Variants in SEMA3E observed in about 807,000 individuals in gnomAD.
SEMA3E encodes semaphorin-3E.
Under a neutral mutation model 93.6 loss-of-function variants are expected in SEMA3E, and 49 were observed. That is an observed-to-expected ratio of 0.52 (90% CI 0.42 to 0.66). The LOEUF is 0.66. Among genes scored for constraint, SEMA3E ranks in the 30% least tolerant of loss-of-function variants. SEMA3E has a pLI of 0.00. For synonymous variants in SEMA3E, 363 were observed against 330.7 expected (o/e 1.10, Z -1.06); for missense variants, 906 against 964.8 (o/e 0.94, Z 0.81).
chr7:83,391,342 C>G (rs1336454258), intron 14 of SEMA3E, among the ~76,000 whole-genome samples: 1 of 152,122 alleles, frequency 6.6e-6, no homozygotes, highest in Non-Finnish European at 1.5e-5. Flanking sequence ...ACTTTAGGTT[C>G]CAATTTCCTT....
At position 83,400,395 on chromosome 7, in the gene SEMA3E, CTTTT is replaced by C. The variant is rs1009067540; in HGVS notation, c.1144-149_1144-146del. The C allele has an allele frequency of 1.0e-5, 8 of 773,078 alleles. No individual in the cohort carries two copies. In the East Asian group the frequency reaches 2.2e-4, roughly 21 times the overall value. 47.9% of individuals were successfully genotyped at this position (773,078 alleles called of 1,614,324 possible). ...AAATATTTAGTAATCATATATTTTT[CTTTT>C]TTTTTAACTTTTATTTTAGGTTCAG... On this transcript the variant is annotated intron_variant, in intron 10 of 16. Coordinates refer to ENST00000643230, the MANE Select transcript of SEMA3E (RefSeq NM_012431.3).
chr7:83,545,791 A>G (rs970475993), intron 1 of SEMA3E, among the ~76,000 whole-genome samples: 4 of 143,714 alleles, frequency 2.8e-5, no homozygotes, highest in Non-Finnish European at 6.1e-5. Flanking sequence ...ATGTGTGTAT[A>G]TATATACAAA....
At chr7:83,541,383 T>C (rs1023060366) in intron 1 of SEMA3E, among the ~76,000 whole-genome samples, 1 of 152,054 alleles carries the variant, frequency 6.6e-6, no homozygotes. Flanking sequence ...GGTGAATCAA[T>C]AAACAAATAA....
rs775487844 is a variant in SEMA3E at position 83,367,690 on chromosome 7, G to T, written c.2224C>A (p.Leu742Ile). 2 of 1,613,994 alleles carry T rather than the reference G, an allele frequency of 1.2e-6. No homozygotes were observed. Among genetic ancestry groups the T allele is most frequent in the African/African-American group, 2.7e-5 (2 of 74,896 alleles). The part of the protein sequence containing the change: ...VWCTDRKRKK[L>I]KMSPSKWKYA... ...TTCCACTTGGAGGGTGACATTTTAA[G>T]CTTTTTCCTCTTTCTATCTGTGCAC... is the stretch of plus-strand genomic sequence containing the variant. Residue 742 changes from leucine (L) to isoleucine (I), a missense_variant, in exon 17 of 17, where the codon CTT (leucine) becomes ATT (isoleucine). By Grantham distance (5) the Leu-to-Ile change is conservative. Coordinates refer to ENST00000643230, the MANE Select transcript of SEMA3E (RefSeq NM_012431.3).
At chr7:83,629,238 C>T (rs1440730354) in intron 1 of SEMA3E, among the ~76,000 whole-genome samples, 1 of 152,204 alleles carries the variant, frequency 6.6e-6, no homozygotes, top group African/African-American at 2.4e-5. Context: ...TATGAGGTGT[C>T]TGTTGGCCCC....
chr7:83,560,175 G>A (rs113695684), intron 1 of SEMA3E, among the ~76,000 whole-genome samples: 4 of 152,126 alleles, frequency 2.6e-5, no homozygotes, highest in Admixed American at 6.6e-5. Flanking sequence ...CAAACTCACC[G>A]AATATACACC....
At chr7:83,610,392 G>T (rs746470470) in intron 1 of SEMA3E, among the ~76,000 whole-genome samples, 1 of 151,890 alleles carries the variant, frequency 6.6e-6, no homozygotes, top group Non-Finnish European at 1.5e-5. Context: ...TCAGAAAAAA[G>T]AATTATTTAA....
intron 2 of SEMA3E, among the ~76,000 whole-genome samples, chr7:83,481,690 T>C (rs1297237612): frequency 6.6e-6 from 1 of 152,118 alleles, no homozygotes; most frequent in African/African-American, 2.4e-5. Flanking sequence ...CAGAAGTTCA[T>C]TGGGAAAGAG....
At chr7:83,528,794 A>G (rs1050437967) in intron 1 of SEMA3E, among the ~76,000 whole-genome samples, 1 of 152,120 alleles carries the variant, frequency 6.6e-6, no homozygotes, top group Non-Finnish European at 1.5e-5. Flanking sequence ...TCAGAAAGAG[A>G]ATATTATCAG....
At chr7:83,630,665 G>A (rs1382709213) in intron 1 of SEMA3E, among the ~76,000 whole-genome samples, 2 of 152,138 alleles carry the variant, frequency 1.3e-5, no homozygotes, top group African/African-American at 4.8e-5. Context: ...AGGTGCATAT[G>A]ATCATTAGTG....
intron 1 of SEMA3E, among the ~76,000 whole-genome samples, chr7:83,608,465 A>T (rs1584361685): frequency 6.6e-6 from 1 of 152,168 alleles, no homozygotes; most frequent in East Asian, 1.9e-4. Flanking sequence ...ATGATTTTTT[A>T]AAGTTTTTGT....
At chr7:83,643,155 C>T (rs925889442) in intron 1 of SEMA3E, among the ~76,000 whole-genome samples, 9 of 152,116 alleles carry the variant, frequency 5.9e-5, no homozygotes, top group Admixed American at 5.2e-4. Context: ...AGAACTGAGG[C>T]CACCAAGTGA....
intron 1 of SEMA3E, among the ~76,000 whole-genome samples, chr7:83,575,438 C>T (rs1219736863): frequency 3.3e-5 from 5 of 152,024 alleles, no homozygotes; most frequent in Middle Eastern, 3.4e-3. Context: ...GTTTTACTTA[C>T]ATGTTATTGG....
intron 1 of SEMA3E, among the ~76,000 whole-genome samples, chr7:83,599,296 G>A (rs1409180512): frequency 1.3e-5 from 2 of 152,116 alleles, no homozygotes; most frequent in Admixed American, 1.3e-4. Context: ...CATTAGCTAT[G>A]GAATTACTTT....
chr7:83,590,505 A>T (rs1792736512), intron 1 of SEMA3E, among the ~76,000 whole-genome samples: 1 of 152,182 alleles, frequency 6.6e-6, no homozygotes, highest in African/African-American at 2.4e-5. Context: ...AGGTGTACAG[A>T]GAAGCACTAA....
At chr7:83,576,752 A>T (rs968805371) in intron 1 of SEMA3E, among the ~76,000 whole-genome samples, 1 of 151,992 alleles carries the variant, frequency 6.6e-6, no homozygotes, top group Non-Finnish European at 1.5e-5. Flanking sequence ...CAGCCTCCCG[A>T]GTAGCTGGGA....
chr7:83,586,937 T>A (rs1487832070), intron 1 of SEMA3E, among the ~76,000 whole-genome samples: 2 of 152,142 alleles, frequency 1.3e-5, no homozygotes, highest in East Asian at 3.9e-4. Flanking sequence ...TCTTTCAGCA[T>A]AGGAGATTTC....
At chr7:83,525,308 A>C (rs1791132927) in intron 1 of SEMA3E, among the ~76,000 whole-genome samples, 1 of 151,928 alleles carries the variant, frequency 6.6e-6, no homozygotes, top group Admixed American at 6.6e-5. Context: ...AGAGCCTTTT[A>C]TATTTCTCCA....
rs140923898 is a variant in SEMA3E, at chr7:83,600,971, T to C, written c.115+47457A>G. ...CTTGATTAAATGAAGAATTTTGAGA[T>C]GGGGAGTTTATTCTGCATTATCTGG... On this transcript the variant is annotated intron_variant, in intron 1 of 16. Transcript: ENST00000643230. Among the ~76,000 whole-genome samples, 3 of 152,248 alleles carry C rather than the reference T, an allele frequency of 2.0e-5. No individual in the cohort carries two copies. The East Asian group carries it at 5.8e-4, about 29-fold the overall frequency.
Sources: allele counts gnomAD v4.1 joint callset (sites outside exome capture counted in the v4.1 genomes callset), GRCh38; gene constraint gnomAD v4.1.1; transcripts MANE v1.5; gene names NCBI Gene and HGNC (gene_info 2026-07-23, HGNC 2026-07-21).